Variants in SPATA6 observed in about 807,000 individuals in gnomAD.
The protein encoded by SPATA6 is spermatogenesis associated 6, also known as spermatogenesis-associated protein 6.
SPATA6 carries 56 observed loss-of-function variants against 65.3 expected under a neutral mutation model. That is an observed-to-expected ratio of 0.86 (90% confidence interval 0.69 to 1.07). SPATA6 has a LOEUF of 1.07. Among genes scored for constraint, SPATA6 ranks in the 50% least tolerant of loss-of-function variants. The pLI, the probability that SPATA6 is intolerant of heterozygous loss-of-function variation, is 0.00. For missense variants in SPATA6, 590 were observed against 594.8 expected (o/e 0.99, Z 0.08); for synonymous variants, 199 against 213.2 (o/e 0.93, Z 0.58).
chr1:48,300,802 CA>C (rs1014264967), intron 12 of SPATA6, among the ~76,000 whole-genome samples: 38 of 149,978 alleles, frequency 2.5e-4, no homozygotes, highest in South Asian at 8.4e-4. Flanking sequence ...AGAATTAAAA[CA>C]AAAAAAAAGT....
At chr1:48,411,683 A>C in intron 4 of SPATA6, 95 bp from the exon 5 acceptor site, 1 of 1,065,002 alleles carries the variant, frequency 9.4e-7, no homozygotes, top group African/African-American at 1.6e-5. Context: ...CTGATGCCTT[A>C]TTGAAATACC....
intron 9 of SPATA6, among the ~76,000 whole-genome samples, chr1:48,366,956 C>T (rs919624192): frequency 3.3e-5 from 5 of 152,148 alleles, no homozygotes; most frequent in Non-Finnish European, 5.9e-5. Flanking sequence ...TCCCTCTACA[C>T]ACTGCTTTGA....
At chr1:48,459,133 A>C (rs1249649105) in intron 1 of SPATA6, among the ~76,000 whole-genome samples, 1 of 136,680 alleles carries the variant, frequency 7.3e-6, no homozygotes, top group Non-Finnish European at 1.5e-5. Flanking sequence ...TGAACCCAGG[A>C]GGTGGTGGTC....
At chr1:48,420,856 T>C (rs549952262) in intron 3 of SPATA6, among the ~76,000 whole-genome samples, 1 of 152,088 alleles carries the variant, frequency 6.6e-6, no homozygotes, top group Non-Finnish European at 1.5e-5. Context: ...TATTGAGCCA[T>C]GAAAAAGAAT....
At chr1:48,308,038 C>T (rs1645105093) in intron 11 of SPATA6, among the ~76,000 whole-genome samples, 3 of 151,918 alleles carry the variant, frequency 2.0e-5, no homozygotes, top group Non-Finnish European at 4.4e-5. Context: ...ATCCAGTCTC[C>T]AAAATTCTAC....
At chr1:48,325,078 T>C (rs766352992) in intron 11 of SPATA6, 7 of 383,678 alleles carry the variant, frequency 1.8e-5, no homozygotes, top group Non-Finnish European at 3.0e-5. Context: ...ACCAAAAATA[T>C]CATATCAGTA....
intron 2 of SPATA6, among the ~76,000 whole-genome samples, chr1:48,452,252 C>A (rs899738165): frequency 2.0e-5 from 3 of 149,834 alleles, no homozygotes; most frequent in Non-Finnish European, 4.4e-5. Context: ...GGAAGGAAGG[C>A]GAGAAGGAAG....
In SPATA6 at chr1:48,347,522, T is replaced by A. The variant is rs1178050211; in HGVS notation, c.1194+8148A>T. 2.7e-5 allele frequency among the ~76,000 whole-genome samples: 4 copies of A among 146,706 alleles called. No homozygotes were observed. The Admixed American group carries it at 2.7e-4, about 10-fold the overall frequency. ...TATATATAATGTATATATAATGTAT[T>A]AAATTAATTATAGTAATTAATTATA... On this transcript the variant is annotated intron_variant, in intron 11 of 12. Transcript: ENST00000371847.
chr1:48,290,360 C>G, the SPATA6 span, among the ~76,000 whole-genome samples: 6 of 152,178 alleles, frequency 3.9e-5, no homozygotes, highest in African/African-American at 9.6e-5. Context: ...CACTAAACAT[C>G]GAAAGGAACA....
At position 48,296,569 on chromosome 1, in the gene SPATA6, G is replaced by A. The variant is rs995946749; in HGVS notation, c.*2144C>T. On this transcript the variant is annotated 3_prime_UTR_variant, in exon 13 of 13. Transcript: ENST00000371847. ...TGATAGTAAAACATTTTCTTTGAAA[G>A]TCATGTTTGTTCTTTTCACCAAACA... 3 of 152,082 alleles carry A rather than the reference G, an allele frequency of 2.0e-5. No individual in the cohort carries two copies. Among genetic ancestry groups the A allele is most frequent in the Non-Finnish European group, 2.9e-5 (2 of 68,014 alleles). 9.4% of individuals were successfully genotyped at this position (152,082 alleles called of 1,614,324 possible). A position where few individuals can be genotyped will look rare whatever the true frequency, so the allele number is the denominator to read the frequency against.
intron 6 of SPATA6, chr1:48,400,768 CA>C (rs1446280828): frequency 7.7e-7 from 1 of 1,295,364 alleles, no homozygotes; most frequent in South Asian, 1.3e-5. Flanking sequence ...GCATTTCATA[CA>C]GACCAGTTGC....
intron 3 of SPATA6, among the ~76,000 whole-genome samples, chr1:48,433,844 A>G (rs988800664): frequency 1.4e-4 from 21 of 152,166 alleles, no homozygotes; most frequent in Admixed American, 2.6e-4. Context: ...AGGGGCTTCA[A>G]AAAAGACTTT....
chr1:48,275,356 G>A, the SPATA6 span, among the ~76,000 whole-genome samples: 4 of 152,124 alleles, frequency 2.6e-5, no homozygotes, highest in African/African-American at 9.7e-5. Context: ...GATTGCCCTG[G>A]CCAGAACTTC....
In SPATA6 at chr1:48,424,424, T is replaced by C. The variant is rs1161629494; in HGVS notation, c.239-11273A>G. The stretch of plus-strand genomic sequence containing the variant: ...GACGCTAAGTCCAAATCTTAGCTAC[T>C]GTAAACAGTGCTGCAACAAATGTAG... On this transcript the variant is annotated intron_variant, in intron 3 of 12. Transcript: ENST00000371847. Among the ~76,000 whole-genome samples the C allele has an allele frequency of 2.6e-5, 4 of 152,248 alleles. No individual in the cohort carries two copies. In the East Asian group the frequency reaches 7.7e-4, roughly 29 times the overall value.
chr1:48,437,792 C>CTT (rs144612305), intron 3 of SPATA6, among the ~76,000 whole-genome samples: 21 of 149,724 alleles, frequency 1.4e-4, no homozygotes, highest in Non-Finnish European at 2.5e-4. Flanking sequence ...TTGTAATTTG[C>CTT]TTTTTTTTAA....
chr1:48,317,490 A>C (rs1474762844), intron 11 of SPATA6, among the ~76,000 whole-genome samples: 1 of 151,904 alleles, frequency 6.6e-6, no homozygotes, highest in Non-Finnish European at 1.5e-5. Context: ...GAACACATGG[A>C]CACAGGAAGG....
In SPATA6 at chr1:48,324,567, G is replaced by A. The variant is rs552801922; in HGVS notation, c.1195-18689C>T. On this transcript the variant is annotated intron_variant, in intron 11 of 12. Coordinates refer to ENST00000371847, the MANE Select transcript of SPATA6 (RefSeq NM_019073.4). ...AGCAAATCAATCAATGTGATACATCGTATCAACAGAATGAAGGACAAAAAT... is the reference window on the plus strand; with the variant it reads ...AGCAAATCAATCAATGTGATACATCATATCAACAGAATGAAGGACAAAAAT... 2.1e-3 allele frequency among the ~76,000 whole-genome samples: 320 copies of A among 152,142 alleles called. 3 individuals carry two copies. The highest frequency in any genetic ancestry group is 5.8e-3 in the African/African-American group (241 of 41,514).
intron 3 of SPATA6, among the ~76,000 whole-genome samples, chr1:48,422,002 T>C (rs1187335308): frequency 6.6e-6 from 1 of 152,064 alleles, no homozygotes; most frequent in Non-Finnish European, 1.5e-5. Flanking sequence ...GTGTATCAAA[T>C]GGAAAGAATA....
chr1:48,436,482 GA>G, intron 3 of SPATA6: 1 of 1,609,108 alleles, frequency 6.2e-7, no homozygotes, highest in South Asian at 1.1e-5. Flanking sequence ...TGAGAGGGTT[GA>G]ACTATCTGTA....
Sources: allele counts gnomAD v4.1 joint callset (sites outside exome capture counted in the v4.1 genomes callset), GRCh38; gene constraint gnomAD v4.1.1; transcripts MANE v1.5; gene names NCBI Gene and HGNC (gene_info 2026-07-23, HGNC 2026-07-21).